Variants in GABRB1 observed in about 807,000 individuals in gnomAD.
The protein encoded by GABRB1 is gamma-aminobutyric acid type A receptor subunit beta1, also known as gamma-aminobutyric acid receptor subunit beta-1.
GABRB1 carries 17 observed loss-of-function variants against 51.6 expected under a neutral mutation model. The ratio of observed to expected loss-of-function variants is 0.33; its 90% CI spans 0.23 to 0.49. The LOEUF (loss-of-function observed/expected upper bound fraction) is 0.49. Among genes scored for constraint, GABRB1 ranks in the 20% least tolerant of loss-of-function variants. The pLI, the probability that GABRB1 is intolerant of heterozygous loss-of-function variation, is 0.99. For synonymous variants in GABRB1, 247 were observed against 218.9 expected (o/e 1.13, Z -1.14); for missense variants, 410 against 600.6 (o/e 0.68, Z 3.32).
chr4:47,084,761 G>T (rs145998169), intron 3 of GABRB1, among the ~76,000 whole-genome samples: 2 of 152,208 alleles, frequency 1.3e-5, no homozygotes, highest in East Asian at 3.9e-4. Context: ...GGGTAGCCCA[G>T]GTACCCATAG....
chr4:46,996,792 A>G (rs1457035688), intron 1 of GABRB1, among the ~76,000 whole-genome samples: 1 of 152,118 alleles, frequency 6.6e-6, no homozygotes, highest in Non-Finnish European at 1.5e-5. Flanking sequence ...ATGTCCAAAG[A>G]GCTTGGTATG....
intron 3 of GABRB1, among the ~76,000 whole-genome samples, chr4:47,065,056 A>G (rs934976149): frequency 2.6e-5 from 4 of 152,180 alleles, no homozygotes; most frequent in African/African-American, 9.7e-5. Context: ...GTACAAGGAG[A>G]GATTTGGCTG....
In GABRB1 at chr4:47,425,671, C is replaced by A; in HGVS notation, c.1081-3C>A. ...TGTCCGAGCCTGTTCTTTTTGCCAT[C>A]AGGTCGACGCCCACGGTAACATTCT... On this transcript the variant is annotated splice_region_variant and splice_polypyrimidine_tract_variant and intron_variant, in intron 8 of 8. Transcript: ENST00000295454. The A allele has an allele frequency of 6.3e-7, 1 of 1,579,958 alleles. No homozygotes were observed. The highest frequency in any genetic ancestry group is 8.6e-7 in the Non-Finnish European group (1 of 1,163,084).
rs567254537 is a variant in GABRB1, at chr4:47,237,837, GAGA to G, written c.461+76375_461+76377del. On this transcript the variant is annotated intron_variant, in intron 4 of 8. Transcript: ENST00000295454. ...TTGGTGTTTGACCTCAAAAAAACAGGAGAAGAAGATTAATGAAGTAATAATTGA... is the reference window on the plus strand; with the variant it reads ...TTGGTGTTTGACCTCAAAAAAACAGGAGAAGATTAATGAAGTAATAATTGA... 7.9e-5 allele frequency among the ~76,000 whole-genome samples: 12 copies of G among 152,040 alleles called. No homozygotes were observed. The East Asian group carries it at 2.1e-3, about 27-fold the overall frequency.
At chr4:47,246,665 G>A (rs1328250423) in intron 4 of GABRB1, among the ~76,000 whole-genome samples, 2 of 151,380 alleles carry the variant, frequency 1.3e-5, no homozygotes, top group Non-Finnish European at 3.0e-5. Flanking sequence ...AGTGTTCCCT[G>A]ATCACTGCAT....
At chr4:47,288,610 A>G (rs1286995682) in intron 4 of GABRB1, among the ~76,000 whole-genome samples, 3 of 152,174 alleles carry the variant, frequency 2.0e-5, no homozygotes, top group Admixed American at 1.3e-4. Flanking sequence ...AGCTCCTGTA[A>G]TGAATTAAGT....
intron 8 of GABRB1, among the ~76,000 whole-genome samples, chr4:47,409,516 T>A (rs909033724): frequency 6.6e-6 from 1 of 152,230 alleles, no homozygotes; most frequent in African/African-American, 2.4e-5. Context: ...TTCTCTATTA[T>A]GCCACTCTTC....
chr4:47,207,510 G>C (rs13135929), intron 4 of GABRB1, among the ~76,000 whole-genome samples: 1 of 151,924 alleles, frequency 6.6e-6, no homozygotes, highest in East Asian at 1.9e-4. Flanking sequence ...AACTTCCACA[G>C]TTCTCGTACT....
At chr4:47,415,133 T>A (rs769193963) in intron 8 of GABRB1, among the ~76,000 whole-genome samples, 20 of 152,208 alleles carry the variant, frequency 1.3e-4, no homozygotes, top group Non-Finnish European at 2.1e-4. Flanking sequence ...CTGTCTCTTA[T>A]TTTCTATTTT....
At chr4:47,367,271 G>A (rs770001181) in intron 5 of GABRB1, among the ~76,000 whole-genome samples, 1 of 152,166 alleles carries the variant, frequency 6.6e-6, no homozygotes, top group Non-Finnish European at 1.5e-5. Flanking sequence ...TTTAAGGTAT[G>A]TGTCTCCCAA....
At chr4:47,130,325 CTGTGTGTGTGTG>C (rs67244692) in intron 3 of GABRB1, among the ~76,000 whole-genome samples, 32,356 of 133,578 alleles carry the variant, frequency 0.24, 4,290 homozygotes, top group Middle Eastern at 0.4. Flanking sequence ...GCTCCAGATA[CTGTGTGTGTGTG>C]TGTGTGTGTG....
At chr4:47,228,720 G>T (rs995577963) in intron 4 of GABRB1, among the ~76,000 whole-genome samples, 1 of 152,070 alleles carries the variant, frequency 6.6e-6, no homozygotes, top group Non-Finnish European at 1.5e-5. Flanking sequence ...GGCAACAGGG[G>T]CCTCAGCTAA....
chr4:47,192,505 CTGTTATATCATTAAT>C (rs1179074577), intron 4 of GABRB1, among the ~76,000 whole-genome samples: 7 of 152,184 alleles, frequency 4.6e-5, no homozygotes, highest in Non-Finnish European at 1.0e-4. Flanking sequence ...AACATTTTTG[CTGTTATATCATTAAT>C]TGTTATATCA....
At chr4:46,994,335 G>A (rs183845311) in intron 1 of GABRB1, 1 of 151,942 alleles carries the variant, frequency 6.6e-6, no homozygotes, top group Non-Finnish European at 1.5e-5. Flanking sequence ...GCGACCTCTG[G>A]TCAAAATCAC....
At chr4:47,056,701 T>C (rs1161599121) in intron 3 of GABRB1, among the ~76,000 whole-genome samples, 2 of 152,084 alleles carry the variant, frequency 1.3e-5, no homozygotes, top group African/African-American at 4.8e-5. Flanking sequence ...GGAAAGGATG[T>C]GAGCTGACAT....
At chr4:47,342,847 A>G (rs1400795715) in intron 5 of GABRB1, among the ~76,000 whole-genome samples, 1 of 152,166 alleles carries the variant, frequency 6.6e-6, no homozygotes, top group South Asian at 2.1e-4. Context: ...GAAAGGCACC[A>G]TTCAGGGTAT....
At chr4:47,121,799 G>A (rs953725741) in intron 3 of GABRB1, among the ~76,000 whole-genome samples, 5 of 151,996 alleles carry the variant, frequency 3.3e-5, no homozygotes, top group African/African-American at 4.8e-5. Flanking sequence ...ATTTTGAGAT[G>A]GTTTTCTTAT....
intron 4 of GABRB1, among the ~76,000 whole-genome samples, chr4:47,217,171 T>C (rs1372032183): frequency 3.3e-5 from 5 of 151,864 alleles, no homozygotes; most frequent in Non-Finnish European, 7.4e-5. Context: ...TAAGACATTT[T>C]TGAAAATGAA....
chr4:47,254,149 C>CA (rs1016565777), intron 4 of GABRB1, among the ~76,000 whole-genome samples: 3 of 152,180 alleles, frequency 2.0e-5, no homozygotes, highest in African/African-American at 7.2e-5. Context: ...TACACACAAT[C>CA]AAGAAGGTTG....
Sources: allele counts gnomAD v4.1 joint callset (sites outside exome capture counted in the v4.1 genomes callset), GRCh38; gene constraint gnomAD v4.1.1; transcripts MANE v1.5; gene names NCBI Gene and HGNC (gene_info 2026-07-23, HGNC 2026-07-21).